Variants in LRRC37A2 observed in about 807,000 individuals in gnomAD.
LRRC37A2 encodes the protein leucine-rich repeat-containing protein 37A2.
In LRRC37A2, 9 loss-of-function variants were observed where a neutral mutation model predicts 68.8. The ratio of observed to expected loss-of-function variants is 0.13; its 90% confidence interval spans 0.08 to 0.23. The LOEUF (loss-of-function observed/expected upper bound fraction) is 0.23. LRRC37A2 is among the 10% of genes least tolerant of loss of function. LRRC37A2 has a pLI of 1.00. For missense variants in LRRC37A2, 168 were observed against 950.4 expected (o/e 0.18, Z 10.82); for synonymous variants, 63 against 367.6 (o/e 0.17, Z 9.48).
chr17:46,888,705 A>G, the LRRC37A2 span, among the ~76,000 whole-genome samples: 1 of 152,102 alleles, frequency 6.6e-6, no homozygotes, highest in Non-Finnish European at 1.5e-5. Context: ...AGACCAAGAA[A>G]TTTCCCCATG....
chr17:46,736,944 G>A, the LRRC37A2 span, among the ~76,000 whole-genome samples: 1 of 152,218 alleles, frequency 6.6e-6, no homozygotes, highest in Non-Finnish European at 1.5e-5. Flanking sequence ...TTGAATGCCA[G>A]TGTGACTAAA....
At chr17:46,770,116 C>T in the LRRC37A2 span, 4 of 1,479,134 alleles carry the variant, frequency 2.7e-6, no homozygotes, top group South Asian at 5.4e-5. Flanking sequence ...GCCTCCACCT[C>T]CCAGGCCAGG....
At chr17:46,845,558 C>T in the LRRC37A2 span, among the ~76,000 whole-genome samples, 20 of 147,076 alleles carry the variant, frequency 1.4e-4, no homozygotes, top group Admixed American at 6.3e-4. Flanking sequence ...GGCACAATCT[C>T]GGCTCACTGC....
chr17:46,994,134 C>T, the LRRC37A2 span, among the ~76,000 whole-genome samples: 2 of 151,150 alleles, frequency 1.3e-5, no homozygotes, highest in South Asian at 2.1e-4. Context: ...CCCATAATCC[C>T]GGGACTTTGG....
At chr17:46,818,800 C>T in the LRRC37A2 span, 6 of 629,420 alleles carry the variant, frequency 9.5e-6, no homozygotes, top group Non-Finnish European at 5.7e-6. Context: ...AATCAGCGCC[C>T]GCGGCCTAAG....
At chr17:46,934,267 G>A in the LRRC37A2 span, among the ~76,000 whole-genome samples, 4 of 152,134 alleles carry the variant, frequency 2.6e-5, no homozygotes, top group African/African-American at 9.7e-5. Context: ...AAAATGGGGA[G>A]GCCTGTGGAC....
chr17:46,852,030 C>T, the LRRC37A2 span, among the ~76,000 whole-genome samples: 5 of 152,244 alleles, frequency 3.3e-5, no homozygotes, highest in South Asian at 8.3e-4. Context: ...TCCGCCCCGG[C>T]CCCGCCCGTT....
chr17:46,939,845 G>T, the LRRC37A2 span: 1 of 990,004 alleles, frequency 1.0e-6, no homozygotes, highest in Non-Finnish European at 1.2e-6. Flanking sequence ...TAGTATAAAG[G>T]CCAATCTGTC....
rs376504096 is a variant in LRRC37A2, at chr17:46,549,239, C to A, written c.4100C>A (p.Pro1367His). ...TTTTCATCCTTAGGAGACCTGAGTC[C>A]TCAAGAAAACCCTTTTCTGGAAGTA... The change falls in exon 10 of 15, where the codon CCT (proline) becomes CAT (histidine). Residue 1367 changes from proline to histidine, a missense_variant. Pro to His is a moderately conservative substitution (Grantham distance 77, BLOSUM62 -2). Coordinates refer to ENST00000576629, the Ensembl canonical transcript of LRRC37A2. The A allele has an allele frequency of 2.5e-5, 41 of 1,611,152 alleles. 3 individuals carry two copies. In the East Asian group the frequency reaches 5.6e-4, roughly 22 times the overall value.
chr17:46,985,018 C>A, the LRRC37A2 span, among the ~76,000 whole-genome samples: 17 of 152,182 alleles, frequency 1.1e-4, no homozygotes, highest in Non-Finnish European at 1.3e-4. Flanking sequence ...GCACGCTTTT[C>A]CTGGAATGGG....
chr17:46,770,006 C>G, the LRRC37A2 span: 1 of 1,591,762 alleles, frequency 6.3e-7, no homozygotes, highest in Non-Finnish European at 8.5e-7. Context: ...GAAGGCCACG[C>G]CGGCCGAGGC....
At chr17:46,735,466 TAA>T in the LRRC37A2 span, among the ~76,000 whole-genome samples, 24 of 141,558 alleles carry the variant, frequency 1.7e-4, no homozygotes, top group Non-Finnish European at 1.6e-4. Context: ...ACTTGAGGTT[TAA>T]AAAAAAAAAA....
chr17:46,518,087 TTTAGTATACA>T (rs2051652483), intron 3 of LRRC37A2, among the ~76,000 whole-genome samples: 2 of 101,908 alleles, frequency 2.0e-5, no homozygotes, highest in Non-Finnish European at 3.7e-5. Flanking sequence ...CTACTCTGCA[TTTAGTATACA>T]TGCTTCCAGA....
the LRRC37A2 span, among the ~76,000 whole-genome samples, chr17:47,040,505 CTATT>C: frequency 3.5e-3 from 515 of 148,808 alleles, 9 homozygotes; most frequent in South Asian, 6.2e-3. Context: ...TTAGTAGTTG[CTATT>C]TATTTAGTGA....
chr17:46,791,723 G>A, the LRRC37A2 span, among the ~76,000 whole-genome samples: 1 of 152,350 alleles, frequency 6.6e-6, no homozygotes. Context: ...TCTTCTGGGG[G>A]AAACACACGT....
At chr17:46,943,825 C>G in the LRRC37A2 span, among the ~76,000 whole-genome samples, 15 of 152,376 alleles carry the variant, frequency 9.8e-5, no homozygotes, top group African/African-American at 3.6e-4. Context: ...GAAACTGTCA[C>G]TCAGGACTGG....
At chr17:47,030,816 C>A in the LRRC37A2 span, among the ~76,000 whole-genome samples, 1 of 151,732 alleles carries the variant, frequency 6.6e-6, no homozygotes, top group Non-Finnish European at 1.5e-5. Flanking sequence ...AATATGACAC[C>A]ATTTTGTGGT....
chr17:46,849,846 T>A, the LRRC37A2 span, among the ~76,000 whole-genome samples: 1 of 148,016 alleles, frequency 6.8e-6, no homozygotes, highest in Non-Finnish European at 1.5e-5. Flanking sequence ...AGGCATTTAA[T>A]ATCTTTTTTT....
At chr17:46,955,757 G>A in the LRRC37A2 span, 2 of 152,152 alleles carry the variant, frequency 1.3e-5, no homozygotes, top group Non-Finnish European at 2.9e-5. Flanking sequence ...ACTCACTTTT[G>A]TTAACACTTT....
Sources: gnomAD v4.1 joint callset for allele counts (sites outside exome capture counted in the v4.1 genomes callset) on GRCh38, gnomAD v4.1.1 for gene constraint, MANE v1.5 for transcripts, NCBI Gene and HGNC (gene_info 2026-07-23, HGNC 2026-07-21) for gene names.